ATF3: variants seen among roughly 807,000 people sequenced by gnomAD.
ATF3 encodes cyclic AMP-dependent transcription factor ATF-3.
In ATF3, 10 loss-of-function variants were observed where a neutral mutation model predicts 18.4. The ratio of observed to expected loss-of-function variants is 0.54; its 90% CI spans 0.34 to 0.92. The LOEUF is 0.92. Ranked by LOEUF, ATF3 falls within the 40% of genes least tolerant of loss-of-function variation. The pLI is 0.02. For synonymous variants in ATF3, 78 were observed against 87.9 expected (o/e 0.89, Z 0.63); for missense variants, 183 against 222.3 (o/e 0.82, Z 1.12).
intron 1 of ATF3, among the ~76,000 whole-genome samples, chr1:212,567,603 C>T (rs1664407568): frequency 1.3e-5 from 2 of 152,176 alleles, no homozygotes; most frequent in South Asian, 2.1e-4. Flanking sequence ...TTTCCATTTA[C>T]TCAACTCTAG....
chr1:212,586,507 T>C (rs1408426648), intron 1 of ATF3, among the ~76,000 whole-genome samples: 1 of 152,178 alleles, frequency 6.6e-6, no homozygotes, highest in African/African-American at 2.4e-5. Context: ...TAAAGGAGTA[T>C]TCGGTGAATG....
At chr1:212,569,364 T>C (rs2102618679) in intron 1 of ATF3, among the ~76,000 whole-genome samples, 1 of 152,362 alleles carries the variant, frequency 6.6e-6, no homozygotes, top group Middle Eastern at 3.4e-3. Context: ...ATAGTGGCAA[T>C]ACTTTTTCCC....
chr1:212,614,436 G>A (rs1423729439), intron 1 of ATF3, among the ~76,000 whole-genome samples: 1 of 152,068 alleles, frequency 6.6e-6, no homozygotes, highest in African/African-American at 2.4e-5. Flanking sequence ...GCCCAACTTC[G>A]GGGGAGAAGC....
At chr1:212,605,619 C>T (rs114036676), upstream of ATF3, among the ~76,000 whole-genome samples, 667 of 152,346 alleles carry the variant, frequency 4.4e-3, 8 homozygotes, top group African/African-American at 0.015. Context: ...CTTTAAATAT[C>T]TCAAACTTTT....
At chr1:212,596,076 G>A (rs1005181473) in intron 1 of ATF3, among the ~76,000 whole-genome samples, 1 of 152,096 alleles carries the variant, frequency 6.6e-6, no homozygotes, top group Non-Finnish European at 1.5e-5. Flanking sequence ...CCAGTGGAGT[G>A]GGAACAAAAT....
At chr1:212,600,697 G>A (rs1407949070) in intron 1 of ATF3, among the ~76,000 whole-genome samples, 5 of 152,290 alleles carry the variant, frequency 3.3e-5, no homozygotes, top group African/African-American at 9.6e-5. Flanking sequence ...GGGCAGAGCC[G>A]TCCTGCCCCA....
At chr1:212,589,802 CTT>C (rs35586185) in intron 1 of ATF3, among the ~76,000 whole-genome samples, 33,972 of 143,138 alleles carry the variant, frequency 0.24, 3,956 homozygotes, top group African/African-American at 0.28. Flanking sequence ...TCTTGGTCAA[CTT>C]TTTTTTTTTT....
chr1:212,594,019 G>T (rs1237501377), intron 1 of ATF3, among the ~76,000 whole-genome samples: 1 of 152,246 alleles, frequency 6.6e-6, no homozygotes, highest in East Asian at 1.9e-4. Context: ...CTCACTCAGA[G>T]TCACACACAT....
intron 1 of ATF3, among the ~76,000 whole-genome samples, chr1:212,579,311 A>G (rs1664637984): frequency 6.6e-6 from 1 of 152,080 alleles, no homozygotes; most frequent in South Asian, 2.1e-4. Flanking sequence ...AGACTTCTGG[A>G]GCCTTTTTAT....
intron 1 of ATF3, among the ~76,000 whole-genome samples, chr1:212,569,197 C>A (rs1173967384): frequency 6.6e-6 from 1 of 151,910 alleles, no homozygotes; most frequent in Non-Finnish European, 1.5e-5. Flanking sequence ...GCCTTCTTTT[C>A]TTTTTATTAT....
intron 1 of ATF3, among the ~76,000 whole-genome samples, chr1:212,595,477 C>T (rs1453446047): frequency 1.3e-5 from 2 of 152,222 alleles, no homozygotes; most frequent in African/African-American, 4.8e-5. Flanking sequence ...ATCCTGAGCC[C>T]CTTCCTGGAC....
intron 1 of ATF3, among the ~76,000 whole-genome samples, chr1:212,583,802 C>CA (rs1664728736): frequency 6.6e-6 from 1 of 152,196 alleles, no homozygotes; most frequent in Non-Finnish European, 1.5e-5. Context: ...CGGAGAATAA[C>CA]AACACTCCCG....
chr1:212,576,855 G>A (rs893221230), intron 1 of ATF3, among the ~76,000 whole-genome samples: 1 of 148,994 alleles, frequency 6.7e-6, no homozygotes, highest in African/African-American at 2.5e-5. Context: ...AGCCTCCCGA[G>A]TAGATGGGAT....
intron 1 of ATF3, among the ~76,000 whole-genome samples, chr1:212,580,365 C>T (rs963135611): frequency 5.3e-5 from 8 of 151,474 alleles, no homozygotes; most frequent in African/African-American, 1.7e-4. Flanking sequence ...CTCTGTTGCC[C>T]GTGCAGTGGC....
At chr1:212,572,749 C>T (rs1664508124) in intron 1 of ATF3, among the ~76,000 whole-genome samples, 1 of 152,130 alleles carries the variant, frequency 6.6e-6, no homozygotes, top group African/African-American at 2.4e-5. Flanking sequence ...CATACGGGTC[C>T]TTCGCATTCT....
chr1:212,567,695 G>A (rs116691095), intron 1 of ATF3, among the ~76,000 whole-genome samples: 2,085 of 152,310 alleles, frequency 0.014, 19 homozygotes, highest in Non-Finnish European at 0.021. Flanking sequence ...AATAGTCTAA[G>A]GTTGTGCTGC....
At chr1:212,569,145 CT>C (rs1321673252) in intron 1 of ATF3, among the ~76,000 whole-genome samples, 1 of 152,040 alleles carries the variant, frequency 6.6e-6, no homozygotes, top group Non-Finnish European at 1.5e-5. Context: ...CTCTTTCTTC[CT>C]TTCCTCTTTT....
rs549845107 is a variant in ATF3 at position 212,594,317 on chromosome 1, C to T, written c.-4-20701C>T. 2.5e-4 allele frequency among the ~76,000 whole-genome samples: 38 copies of T among 152,296 alleles called. 1 individual carries two copies. The highest frequency in any genetic ancestry group is 3.4e-3 in the Middle Eastern group (1 of 294). On this transcript the variant is annotated intron_variant, in intron 1 of 3. Transcript: ENST00000366981. ...CTAGAATATGTTTTATTGCAACTTTCTAGCTGGGATTCATTATTTTTCTTT... is the reference window on the plus strand; with the variant it reads ...CTAGAATATGTTTTATTGCAACTTTTTAGCTGGGATTCATTATTTTTCTTT...
chr1:212,576,606 G>A (rs1225452100), intron 1 of ATF3, among the ~76,000 whole-genome samples: 1 of 150,858 alleles, frequency 6.6e-6, no homozygotes, highest in Non-Finnish European at 1.5e-5. Flanking sequence ...ACCACAGCAA[G>A]GACCTCAGCA....
Sources: gnomAD v4.1 joint callset for allele counts (sites outside exome capture counted in the v4.1 genomes callset) on GRCh38, gnomAD v4.1.1 for gene constraint, MANE v1.5 for transcripts, NCBI Gene and HGNC (gene_info 2026-07-23, HGNC 2026-07-21) for gene names.